Variants in GRM7 observed in about 807,000 individuals in gnomAD.
GRM7 encodes the protein metabotropic glutamate receptor 7.
GRM7 carries 35 observed loss-of-function variants against 84.5 expected under a neutral mutation model. The ratio of observed to expected loss-of-function variants is 0.41; its 90% CI spans 0.32 to 0.55. The LOEUF is 0.55. Ranked by LOEUF, GRM7 falls within the 20% of genes least tolerant of loss-of-function variation. The pLI, the probability that GRM7 is intolerant of heterozygous loss-of-function variation, is 0.19. For missense variants in GRM7, 1,003 were observed against 1,194.6 expected (o/e 0.84, Z 2.36); for synonymous variants, 487 against 455.1 (o/e 1.07, Z -0.89).
chr3:6,950,764 C>T (rs1322830721), intron 1 of GRM7, among the ~76,000 whole-genome samples: 1 of 152,228 alleles, frequency 6.6e-6, no homozygotes, highest in Non-Finnish European at 1.5e-5. Flanking sequence ...GGCAGGCGCC[C>T]CTCCCCCAGC....
At chr3:6,965,041 A>G (rs1193046165) in intron 1 of GRM7, among the ~76,000 whole-genome samples, 1 of 152,098 alleles carries the variant, frequency 6.6e-6, no homozygotes, top group African/African-American at 2.4e-5. Flanking sequence ...CCATTGTGGG[A>G]AATGTGGGTA....
intron 1 of GRM7, among the ~76,000 whole-genome samples, chr3:6,910,373 G>A (rs1696726846): frequency 6.6e-6 from 1 of 152,120 alleles, no homozygotes; most frequent in Non-Finnish European, 1.5e-5. Flanking sequence ...TTTCTTAACA[G>A]ATCACCTTCA....
At chr3:7,683,635 G>A (rs1014393709) in intron 9 of GRM7, among the ~76,000 whole-genome samples, 2 of 152,226 alleles carry the variant, frequency 1.3e-5, no homozygotes, top group African/African-American at 4.8e-5. Context: ...TTTCTGCAGT[G>A]ACGATCATGT....
At chr3:7,638,024 T>C (rs930930864) in intron 8 of GRM7, among the ~76,000 whole-genome samples, 5 of 152,182 alleles carry the variant, frequency 3.3e-5, no homozygotes, top group Non-Finnish European at 5.9e-5. Context: ...AATTTCTCTC[T>C]GGCATATCCA....
chr3:7,071,564 G>T (rs1344355154), intron 1 of GRM7, among the ~76,000 whole-genome samples: 1 of 152,006 alleles, frequency 6.6e-6, no homozygotes, highest in African/African-American at 2.4e-5. Flanking sequence ...CTAAGAGATA[G>T]ATTAACAGCT....
chr3:7,642,285 G>C (rs932429710), intron 8 of GRM7, among the ~76,000 whole-genome samples: 2 of 152,130 alleles, frequency 1.3e-5, no homozygotes, highest in African/African-American at 4.8e-5. Context: ...AAACTTTAGA[G>C]AGGGGTAGAG....
At chr3:6,894,804 A>G (rs574431200) in intron 1 of GRM7, among the ~76,000 whole-genome samples, 7 of 152,270 alleles carry the variant, frequency 4.6e-5, no homozygotes, top group Admixed American at 2.6e-4. Flanking sequence ...TCTGGATGGA[A>G]CACTATAATT....
chr3:7,669,999 A>C (rs1441407962), intron 8 of GRM7, among the ~76,000 whole-genome samples: 1 of 147,044 alleles, frequency 6.8e-6, no homozygotes, highest in Non-Finnish European at 1.5e-5. Context: ...AGGGGTTTTG[A>C]GTGCACAGTC....
intron 1 of GRM7, among the ~76,000 whole-genome samples, chr3:6,874,051 G>A (rs562330272): frequency 3.6e-4 from 55 of 152,232 alleles, no homozygotes; most frequent in African/African-American, 9.6e-4. Context: ...ACATACTGAC[G>A]GGGAACTTAG....
At chr3:7,280,473 C>T (rs1376024905) in intron 2 of GRM7, among the ~76,000 whole-genome samples, 1 of 152,178 alleles carries the variant, frequency 6.6e-6, no homozygotes, top group Non-Finnish European at 1.5e-5. Context: ...AGCTCCTCTA[C>T]TTATTAGCTG....
chr3:7,528,758 T>C (rs1700909962), intron 7 of GRM7, among the ~76,000 whole-genome samples: 1 of 152,116 alleles, frequency 6.6e-6, no homozygotes, highest in Non-Finnish European at 1.5e-5. Flanking sequence ...ATTTCTGCCC[T>C]AATTTTGTTG....
intron 1 of GRM7, among the ~76,000 whole-genome samples, chr3:7,038,745 A>G (rs1487021890): frequency 6.6e-6 from 1 of 152,208 alleles, no homozygotes; most frequent in Non-Finnish European, 1.5e-5. Context: ...TACAATTATC[A>G]TTTTATTTTA....
intron 8 of GRM7, among the ~76,000 whole-genome samples, chr3:7,661,560 C>T (rs1323349321): frequency 6.6e-6 from 1 of 151,922 alleles, no homozygotes; most frequent in Non-Finnish European, 1.5e-5. Context: ...TTTGGGACGC[C>T]ATGGCAGGCA....
chr3:7,261,477 G>C (rs1024092358), intron 2 of GRM7, among the ~76,000 whole-genome samples: 4 of 152,036 alleles, frequency 2.6e-5, no homozygotes, highest in East Asian at 3.9e-4. Context: ...TACTCTCAAC[G>C]TATGGGTGTC....
At chr3:6,995,205 A>G (rs946659735) in intron 1 of GRM7, among the ~76,000 whole-genome samples, 1 of 152,210 alleles carries the variant, frequency 6.6e-6, no homozygotes, top group Non-Finnish European at 1.5e-5. Context: ...TGGATAAGTA[A>G]TAGTCACCAG....
chr3:7,473,509 A>AGAGG (rs1698795029), intron 7 of GRM7, among the ~76,000 whole-genome samples: 1 of 151,412 alleles, frequency 6.6e-6, no homozygotes, highest in Admixed American at 6.6e-5. Flanking sequence ...AGAGAGAGAG[A>AGAGG]GAGAGAGAGA....
At chr3:6,938,137 G>A (rs529363366) in intron 1 of GRM7, among the ~76,000 whole-genome samples, 57 of 152,250 alleles carry the variant, frequency 3.7e-4, no homozygotes, top group Non-Finnish European at 6.8e-4. Context: ...GAGTCTCTAA[G>A]AAACAATGGA....
intron 8 of GRM7, among the ~76,000 whole-genome samples, chr3:7,655,139 A>AAAAGT (rs760934237): frequency 2.0e-5 from 3 of 152,236 alleles, no homozygotes; most frequent in Non-Finnish European, 4.4e-5. Flanking sequence ...TATTTCAAAG[A>AAAAGT]AAAGTAGAAA....
intron 8 of GRM7, among the ~76,000 whole-genome samples, chr3:7,675,028 T>C (rs1700070457): frequency 6.6e-6 from 1 of 152,074 alleles, no homozygotes; most frequent in East Asian, 1.9e-4. Context: ...CACCACGAAA[T>C]AGCCGCATAA....
Sources: allele counts gnomAD v4.1 joint callset (sites outside exome capture counted in the v4.1 genomes callset), GRCh38; gene constraint gnomAD v4.1.1; transcripts MANE v1.5; gene names NCBI Gene and HGNC (gene_info 2026-07-23, HGNC 2026-07-21).